Variants in PLA2G4A observed in about 807,000 individuals in gnomAD.
PLA2G4A encodes the protein cytosolic phospholipase A2.
In PLA2G4A, 40 loss-of-function variants were observed where a neutral mutation model predicts 81.9. The ratio of observed to expected loss-of-function variants is 0.49; its 90% CI spans 0.38 to 0.64. PLA2G4A has a LOEUF of 0.64. Among genes scored for constraint, PLA2G4A ranks in the 30% least tolerant of loss-of-function variants. PLA2G4A has a pLI of 0.00. For missense variants in PLA2G4A, 715 were observed against 905.1 expected, an observed-to-expected ratio of 0.79 and a Z score of 2.69; for synonymous variants, 302 against 296.9, an observed-to-expected ratio of 1.02 and a Z score of -0.18.
At chr1:186,956,407 G>T in intron 14 of PLA2G4A, 63 bp downstream of exon 14, 5 of 1,461,118 alleles carry the variant, frequency 3.4e-6, no homozygotes, top group Non-Finnish European at 4.8e-6. Flanking sequence ...TCTCTGGAGA[G>T]AAGCATTTTA....
chr1:186,853,261 TA>T (rs80039173), intron 1 of PLA2G4A, among the ~76,000 whole-genome samples: 4 of 151,438 alleles, frequency 2.6e-5, no homozygotes, highest in African/African-American at 7.3e-5. Context: ...CCCATTTTTT[TA>T]AAAAAAAATT....
chr1:186,917,151 G>A (rs759554062), intron 7 of PLA2G4A, among the ~76,000 whole-genome samples: 2 of 152,102 alleles, frequency 1.3e-5, no homozygotes, highest in African/African-American at 2.4e-5. Context: ...CACCGTGGCC[G>A]CAAAGGGGCT....
At position 186,979,471 on chromosome 1, in the gene PLA2G4A, A is replaced by T. The variant is rs376891790; in HGVS notation, c.2117A>T (p.Asp706Val). ...CACTTCAATACTCTGAACAACATTG[A>T]TGTAAGTATCTCCTATGGCCATTGA... ...LMHFNTLNNI[D>V]VIKEAMVESI... is the part of the protein sequence containing the mutation. The change falls in exon 17 of 18, where the codon GAT becomes GTT. Residue 706 changes from aspartate to valine, a missense_variant and splice_region_variant. By Grantham distance (152) the Asp-to-Val change is radical (BLOSUM62 -3). Coordinates refer to ENST00000367466, the MANE Select transcript of PLA2G4A (RefSeq NM_024420.3). The T allele has an allele frequency of 3.8e-6, 6 of 1,577,040 alleles. No individual in the cohort carries two copies. In the African/African-American group the frequency reaches 8.1e-5, roughly 21 times the overall value.
intron 17 of PLA2G4A, among the ~76,000 whole-genome samples, chr1:186,982,671 T>TTGTGTG (rs60587210): frequency 6.6e-6 from 1 of 150,888 alleles, no homozygotes; most frequent in East Asian, 2.0e-4. Context: ...TAACTCCTCT[T>TTGTGTG]TGTGTGTGTG....
At chr1:186,944,463 GATAGGA>G (rs1656266291) in intron 10 of PLA2G4A, among the ~76,000 whole-genome samples, 1 of 152,104 alleles carries the variant, frequency 6.6e-6, no homozygotes, top group South Asian at 2.1e-4. Flanking sequence ...GAAATTGAGA[GATAGGA>G]AATTACTTGT....
chr1:186,856,516 T>C (rs1652559614), intron 2 of PLA2G4A, among the ~76,000 whole-genome samples: 1 of 151,676 alleles, frequency 6.6e-6, no homozygotes, highest in Admixed American at 6.6e-5. Flanking sequence ...TAGCCTCCCC[T>C]GTAGCTGGGA....
At chr1:186,918,705 C>T (rs947204282) in intron 7 of PLA2G4A, among the ~76,000 whole-genome samples, 4 of 152,194 alleles carry the variant, frequency 2.6e-5, no homozygotes, top group South Asian at 2.1e-4. Flanking sequence ...TATGCTCGCC[C>T]GGGCTCTCTG....
chr1:186,988,339 A>C (rs755810327), intron 17 of PLA2G4A, 38 bp from the exon 18 acceptor site: 1 of 1,549,114 alleles, frequency 6.5e-7, no homozygotes, highest in South Asian at 1.1e-5. Context: ...ATGAGTTCAT[A>C]GCAGCGCTAA....
chr1:186,859,193 G>C (rs1041598310), intron 2 of PLA2G4A, among the ~76,000 whole-genome samples: 6 of 152,078 alleles, frequency 3.9e-5, no homozygotes, highest in Non-Finnish European at 8.8e-5. Flanking sequence ...GGAGAATCCT[G>C]TGGGCTGATG....
rs371061438 is a variant in PLA2G4A at position 186,988,432 on chromosome 1, G to A, written c.2174G>A (p.Arg725His). ...GAATATAGAAGACAGAATCCATCTC[G>A]TTGCTCTGTTTCCCTTAGTAATGTT... ...SIEYRRQNPSRCSVSLSNVEA... is the reference protein window; with the variant it reads ...SIEYRRQNPSHCSVSLSNVEA... Residue 725 changes from arginine (R) to histidine (H), a missense_variant, in exon 18 of 18, where the codon CGT becomes CAT. Coordinates refer to ENST00000367466, the MANE Select transcript of PLA2G4A (RefSeq NM_024420.3). 3 of 1,610,602 alleles carry A rather than the reference G, an allele frequency of 1.9e-6. No homozygotes were observed. Among genetic ancestry groups the A allele is most frequent in the Admixed American group, 1.7e-5 (1 of 59,982 alleles).
chr1:186,986,829 T>C (rs1027730970), intron 17 of PLA2G4A, among the ~76,000 whole-genome samples: 4 of 152,198 alleles, frequency 2.6e-5, no homozygotes, highest in Admixed American at 2.6e-4. Context: ...CAAGAAGTGT[T>C]TGTGCCTGGT....
At chr1:186,854,924 C>T (rs1218089063) in intron 2 of PLA2G4A, among the ~76,000 whole-genome samples, 1 of 151,770 alleles carries the variant, frequency 6.6e-6, no homozygotes, top group Non-Finnish European at 1.5e-5. Flanking sequence ...CTCTTCTGGT[C>T]AATAAACAGA....
intron 1 of PLA2G4A, among the ~76,000 whole-genome samples, chr1:186,843,889 C>T (rs1163899949): frequency 6.6e-6 from 1 of 152,188 alleles, no homozygotes; most frequent in African/African-American, 2.4e-5. Flanking sequence ...TCTCTCTTCT[C>T]TGAAACTCTA....
At chr1:186,921,981 C>A (rs529603870) in intron 7 of PLA2G4A, among the ~76,000 whole-genome samples, 13 of 152,264 alleles carry the variant, frequency 8.5e-5, no homozygotes, top group African/African-American at 3.1e-4. Context: ...TGATGGCCAA[C>A]CCACCTCTAA....
intron 3 of PLA2G4A, among the ~76,000 whole-genome samples, chr1:186,891,880 T>C (rs1378188078): frequency 6.6e-6 from 1 of 152,160 alleles, no homozygotes; most frequent in Admixed American, 6.5e-5. Flanking sequence ...TCCAAATTAT[T>C]CTCCATAGTG....
At chr1:186,965,746 C>T (rs549105672) in intron 15 of PLA2G4A, among the ~76,000 whole-genome samples, 153 bp downstream of exon 15, 7 of 152,254 alleles carry the variant, frequency 4.6e-5, no homozygotes, top group African/African-American at 7.2e-5. Context: ...ATGGTTCAAT[C>T]AGTCTCCTGC....
chr1:186,868,040 C>G (rs1281236423), intron 2 of PLA2G4A, among the ~76,000 whole-genome samples: 1 of 148,294 alleles, frequency 6.7e-6, no homozygotes, highest in Non-Finnish European at 1.5e-5. Context: ...GTGTATCTGA[C>G]ATAAACCCCG....
chr1:186,968,121 T>G (rs1308616876), intron 15 of PLA2G4A, among the ~76,000 whole-genome samples: 2 of 152,078 alleles, frequency 1.3e-5, no homozygotes, highest in Non-Finnish European at 2.9e-5. Context: ...CACTGTATTA[T>G]TCATTTCACC....
chr1:186,961,907 G>GA (rs1461983268), intron 14 of PLA2G4A, among the ~76,000 whole-genome samples: 1 of 151,996 alleles, frequency 6.6e-6, no homozygotes, highest in South Asian at 2.1e-4. Flanking sequence ...ACCACAGTTT[G>GA]AAAAAAATAA....
Sources: allele counts gnomAD v4.1 joint callset (sites outside exome capture counted in the v4.1 genomes callset), GRCh38; gene constraint gnomAD v4.1.1; transcripts MANE v1.5; gene names NCBI Gene and HGNC (gene_info 2026-07-23, HGNC 2026-07-21).